STARD13: variants seen among roughly 807,000 people sequenced by gnomAD.
STARD13 encodes the protein stAR-related lipid transfer protein 13.
Under a neutral mutation model 106.4 loss-of-function variants are expected in STARD13, and 62 were observed. The observed-to-expected ratio is 0.58, with a 90% CI of 0.48 to 0.72. STARD13 has a LOEUF of 0.72. Among genes scored for constraint, STARD13 ranks in the 30% least tolerant of loss-of-function variants. The pLI, the probability that STARD13 is intolerant of heterozygous loss-of-function variation, is 0.00. For synonymous variants in STARD13, 565 were observed against 553.0 expected (o/e 1.02, Z -0.31); for missense variants, 1,387 against 1,424.0 (o/e 0.97, Z 0.42).
At chr13:33,509,623 C>G in the STARD13 span, among the ~76,000 whole-genome samples, 1 of 152,118 alleles carries the variant, frequency 6.6e-6, no homozygotes, top group African/African-American at 2.4e-5. Flanking sequence ...GAGGGAGAAT[C>G]AGTGAGGTTT....
At chr13:33,177,801 AAAGGAAGG>A (rs1313652732) in intron 1 of STARD13, among the ~76,000 whole-genome samples, 1 of 7,702 alleles carries the variant, frequency 1.3e-4, no homozygotes, top group East Asian at 6.3e-3. Context: ...GGAAGGAAGG[AAAGGAAGG>A]AAGGAAGGAA....
chr13:33,380,976 T>C, the STARD13 span, among the ~76,000 whole-genome samples: 1 of 152,146 alleles, frequency 6.6e-6, no homozygotes, highest in Non-Finnish European at 1.5e-5. Context: ...CCCAGAATTG[T>C]AGACATAATC....
chr13:33,469,992 T>C, the STARD13 span, among the ~76,000 whole-genome samples: 2 of 152,240 alleles, frequency 1.3e-5, no homozygotes, highest in South Asian at 4.1e-4. Context: ...GCCATGGTGG[T>C]TTGCTGCACC....
chr13:33,128,945 G>T lies in STARD13; in HGVS notation c.1732C>A (p.Leu578Met). The change falls in exon 5 of 14, where the codon CTG becomes ATG. Residue 578 changes from leucine (L) to methionine (M), a missense_variant. By Grantham distance (15) the Leu-to-Met change is conservative (BLOSUM62 2). Transcript: ENST00000336934. ...GCCACCTACCTGTTTGGCCTGGTCA[G>T]AGAGGCCCCTACACCAGAATCCCTC... ...DRRDSGVGAS[L>M]TRPNRRLRWN... is the part of the protein sequence containing the mutation. 1 of 1,612,408 alleles carries T rather than the reference G, an allele frequency of 6.2e-7. No individual in the cohort carries two copies. The highest frequency in any genetic ancestry group is 8.5e-7 in the Non-Finnish European group (1 of 1,179,100).
At chr13:33,534,944 T>C in the STARD13 span, among the ~76,000 whole-genome samples, 1 of 152,280 alleles carries the variant, frequency 6.6e-6, no homozygotes, top group African/African-American at 2.4e-5. Context: ...CCGGGCCGTT[T>C]GTGGCTCACG....
upstream of STARD13, among the ~76,000 whole-genome samples, chr13:33,288,590 T>TA (rs916619339): frequency 1.3e-4 from 20 of 150,512 alleles, no homozygotes; most frequent in East Asian, 1.9e-4. Flanking sequence ...TTTTTTTTTT[T>TA]AAAAAAAGGG....
the STARD13 span, among the ~76,000 whole-genome samples, chr13:33,634,758 G>A: frequency 2.0e-5 from 3 of 151,994 alleles, no homozygotes; most frequent in Non-Finnish European, 2.9e-5. Flanking sequence ...CTTCTCTCTC[G>A]CTTGGTTGAA....
intron 1 of STARD13, among the ~76,000 whole-genome samples, chr13:33,239,500 A>C (rs999375083): frequency 2.0e-5 from 3 of 152,140 alleles, no homozygotes; most frequent in Non-Finnish European, 4.4e-5. Flanking sequence ...CATCAACAAT[A>C]CACAAGTGTT....
chr13:33,448,748 C>T, the STARD13 span, among the ~76,000 whole-genome samples: 117 of 152,158 alleles, frequency 7.7e-4, no homozygotes, highest in Admixed American at 5.6e-3. Flanking sequence ...CCCTTTTCTC[C>T]GCGTCTTCAC....
intron 1 of STARD13, among the ~76,000 whole-genome samples, chr13:33,293,593 T>G (rs933330548): frequency 1.3e-5 from 2 of 152,206 alleles, no homozygotes; most frequent in Admixed American, 6.5e-5. Context: ...GGATACAAAA[T>G]ATTGATCCTG....
At chr13:33,126,682 TGTA>T (rs1045117225) in intron 6 of STARD13, among the ~76,000 whole-genome samples, 156 of 152,376 alleles carry the variant, frequency 1.0e-3, no homozygotes, top group African/African-American at 3.7e-3. Flanking sequence ...TAGAGCCAGT[TGTA>T]GTTTTCAAAG....
chr13:33,356,422 G>A, the STARD13 span, among the ~76,000 whole-genome samples: 11 of 152,332 alleles, frequency 7.2e-5, no homozygotes, highest in South Asian at 1.7e-3. Flanking sequence ...ATCATCTGAA[G>A]AGCAGTGAAA....
chr13:33,105,800 C>A, intron 13 of STARD13, 90 bp from the exon 14 acceptor site: 2 of 1,087,506 alleles, frequency 1.8e-6, no homozygotes, highest in Non-Finnish European at 2.8e-6. Flanking sequence ...CCTTGGGCCC[C>A]GATGACCAGT....
chr13:33,475,975 AAAAG>A, the STARD13 span, among the ~76,000 whole-genome samples: 4 of 151,902 alleles, frequency 2.6e-5, no homozygotes, highest in African/African-American at 9.7e-5. Context: ...AAAAAGAAAA[AAAAG>A]AAAGAAAAAT....
the STARD13 span, among the ~76,000 whole-genome samples, chr13:33,535,471 G>A: frequency 1.3e-4 from 19 of 151,578 alleles, no homozygotes; most frequent in East Asian, 3.7e-3. Context: ...GAGAATCAAA[G>A]GCAATCAATT....
At chr13:33,181,814 T>A (rs986635941) in intron 1 of STARD13, among the ~76,000 whole-genome samples, 1 of 152,242 alleles carries the variant, frequency 6.6e-6, no homozygotes, top group Non-Finnish European at 1.5e-5. Context: ...TTCTGCTGGC[T>A]GCAATCTTTC....
At chr13:33,212,451 C>T (rs1887777669) in intron 1 of STARD13, among the ~76,000 whole-genome samples, 3 of 152,148 alleles carry the variant, frequency 2.0e-5, no homozygotes, top group South Asian at 2.1e-4. Context: ...AAATGTCAAC[C>T]TTTCAGATTT....
chr13:33,159,204 T>C (rs1882341565), intron 3 of STARD13, among the ~76,000 whole-genome samples: 1 of 152,276 alleles, frequency 6.6e-6, no homozygotes, highest in Non-Finnish European at 1.5e-5. Flanking sequence ...GGCTATATCA[T>C]GACAGGTCAT....
At chr13:33,216,083 C>T (rs1888023906) in intron 1 of STARD13, among the ~76,000 whole-genome samples, 1 of 151,984 alleles carries the variant, frequency 6.6e-6, no homozygotes, top group African/African-American at 2.4e-5. Context: ...GGCGTGGATG[C>T]GATGAAAAGG....
Sources: gnomAD v4.1 joint callset for allele counts (sites outside exome capture counted in the v4.1 genomes callset) on GRCh38, gnomAD v4.1.1 for gene constraint, MANE v1.5 for transcripts, NCBI Gene and HGNC (gene_info 2026-07-23, HGNC 2026-07-21) for gene names.